The following DPYD variants were observed in gnomAD, a reference collection of about 807,000 sequenced individuals.
DPYD encodes the protein dihydropyrimidine dehydrogenase [NADP(+)].
A neutral mutation model predicts 116.2 loss-of-function variants in DPYD; 109 were observed. The ratio of observed to expected loss-of-function variants is 0.94; its 90% CI spans 0.80 to 1.10. The LOEUF is 1.10. Among genes scored for constraint, DPYD ranks in the 50% least tolerant of loss-of-function variants. The pLI is 0.00. For synonymous variants in DPYD, 440 were observed against 432.0 expected, an observed-to-expected ratio of 1.02 and a Z score of -0.23; for missense variants, 1,302 against 1,254.5, an observed-to-expected ratio of 1.04 and a Z score of -0.57.
chr1:97,114,511 T>C (rs1213282426), intron 20 of DPYD, among the ~76,000 whole-genome samples: 1 of 152,176 alleles, frequency 6.6e-6, no homozygotes, highest in African/African-American at 2.4e-5. Context: ...TGAATGTCTT[T>C]GCATGAGTTA....
At chr1:97,492,674 G>C (rs1679037622) in intron 13 of DPYD, among the ~76,000 whole-genome samples, 1 of 152,032 alleles carries the variant, frequency 6.6e-6, no homozygotes, top group African/African-American at 2.4e-5. Flanking sequence ...GCAAATATAT[G>C]TTTCAAGTTC....
chr1:97,783,565 TTG>T (rs2101222869), intron 3 of DPYD, among the ~76,000 whole-genome samples: 1 of 151,932 alleles, frequency 6.6e-6, no homozygotes, highest in African/African-American at 2.4e-5. Flanking sequence ...CAGCTAATTA[TTG>T]TGTTTTAGAG....
At chr1:97,811,808 A>C (rs189891282) in intron 3 of DPYD, among the ~76,000 whole-genome samples, 1 of 152,260 alleles carries the variant, frequency 6.6e-6, no homozygotes, top group Non-Finnish European at 1.5e-5. Flanking sequence ...TCTTAGCTAT[A>C]AATAGTTCTT....
intron 21 of DPYD, among the ~76,000 whole-genome samples, chr1:97,083,348 A>G (rs1055030320): frequency 6.6e-6 from 1 of 152,124 alleles, no homozygotes; most frequent in African/African-American, 2.4e-5. Flanking sequence ...TTTGACTCTT[A>G]GTTAAAATCA....
intron 3 of DPYD, among the ~76,000 whole-genome samples, chr1:97,823,671 CTTTT>C (rs1012011646): frequency 1.4e-5 from 2 of 148,054 alleles, no homozygotes; most frequent in African/African-American, 5.0e-5. Context: ...ATGACGGAAG[CTTTT>C]TTTTTTATTA....
intron 20 of DPYD, among the ~76,000 whole-genome samples, chr1:97,108,780 T>C (rs1270416839): frequency 2.6e-5 from 4 of 152,122 alleles, no homozygotes; most frequent in African/African-American, 9.6e-5. Flanking sequence ...CAAAGTTTGA[T>C]GTCTAGTTAC....
intron 3 of DPYD, among the ~76,000 whole-genome samples, chr1:97,816,818 T>C (rs1325106312): frequency 1.3e-5 from 2 of 152,176 alleles, no homozygotes; most frequent in African/African-American, 2.4e-5. Flanking sequence ...CCAGGAAATG[T>C]GACTTATTCA....
intron 19 of DPYD, among the ~76,000 whole-genome samples, chr1:97,194,663 T>A (rs2101827995): frequency 6.6e-6 from 1 of 151,992 alleles, no homozygotes; most frequent in South Asian, 2.1e-4. Flanking sequence ...CACCACCATG[T>A]CCAGCTAATT....
chr1:97,919,075 T>G (rs575705266), intron 1 of DPYD, among the ~76,000 whole-genome samples: 18 of 152,336 alleles, frequency 1.2e-4, no homozygotes, highest in African/African-American at 3.8e-4. Context: ...TTAATGTATT[T>G]TTCCTCACTG....
chr1:97,850,930 A>G (rs1005195267), intron 2 of DPYD, among the ~76,000 whole-genome samples: 4 of 151,974 alleles, frequency 2.6e-5, no homozygotes, highest in Admixed American at 2.6e-4. Context: ...TTCCTTACCA[A>G]TTTGCTACTT....
chr1:97,082,047 T>C (rs1388846234), intron 22 of DPYD, among the ~76,000 whole-genome samples: 1 of 152,112 alleles, frequency 6.6e-6, no homozygotes, highest in African/African-American at 2.4e-5. Flanking sequence ...TTTGTGTGCA[T>C]TTCTCTTTTC....
At chr1:97,704,584 G>C (rs1462391900) in intron 5 of DPYD, among the ~76,000 whole-genome samples, 1 of 151,894 alleles carries the variant, frequency 6.6e-6, no homozygotes, top group Non-Finnish European at 1.5e-5. Flanking sequence ...CTTCAGAGAA[G>C]TGCAACATAA....
chr1:97,277,418 C>T (rs1665011813), intron 18 of DPYD, among the ~76,000 whole-genome samples: 1 of 151,112 alleles, frequency 6.6e-6, no homozygotes, highest in African/African-American at 2.4e-5. Context: ...AACAAATAAA[C>T]AAACAAACAA....
intron 16 of DPYD, among the ~76,000 whole-genome samples, chr1:97,371,239 G>A (rs532884418): frequency 2.8e-4 from 43 of 152,306 alleles, no homozygotes; most frequent in Middle Eastern, 6.8e-3. Context: ...TACTGAACAA[G>A]AAAGTGTCTC....
At position 97,450,247 on chromosome 1, in the gene DPYD, A is replaced by G. The variant is rs774033339; in HGVS notation, c.1741-24T>C. 24 of 1,612,490 alleles carry G rather than the reference A, an allele frequency of 1.5e-5. No homozygotes were observed. In the Admixed American group the frequency reaches 4.0e-4, roughly 27 times the overall value. On this transcript the variant is annotated intron_variant, in intron 13 of 22. Transcript: ENST00000370192. ...TCCTGATGAAAGAGTAAAGATATTG[A>G]GTCTCCTTTTGACAAAGAAAAGCTA...
intron 13 of DPYD, among the ~76,000 whole-genome samples, chr1:97,468,619 A>G (rs1233165268): frequency 6.6e-6 from 1 of 152,216 alleles, no homozygotes; most frequent in African/African-American, 2.4e-5. Context: ...TTGTTATAGC[A>G]GCCCAAATGG....
At chr1:97,087,184 A>G in intron 21 of DPYD, among the ~76,000 whole-genome samples, 1 of 152,204 alleles carries the variant, frequency 6.6e-6, no homozygotes, top group East Asian at 1.9e-4. Context: ...CTTCCCCTAC[A>G]ACATCCACCT....
intron 18 of DPYD, among the ~76,000 whole-genome samples, chr1:97,262,156 T>C (rs1663931329): frequency 6.6e-6 from 1 of 152,004 alleles, no homozygotes; most frequent in Non-Finnish European, 1.5e-5. Context: ...CATCTTTTAA[T>C]GTGTGAGCTC....
At chr1:97,161,671 T>A (rs978051481) in intron 20 of DPYD, among the ~76,000 whole-genome samples, 1 of 149,760 alleles carries the variant, frequency 6.7e-6, no homozygotes, top group Non-Finnish European at 1.5e-5. Context: ...GCTGCACCCA[T>A]TAACTTGTCA....
Sources: gnomAD v4.1 joint callset for allele counts (sites outside exome capture counted in the v4.1 genomes callset) on GRCh38, gnomAD v4.1.1 for gene constraint, MANE v1.5 for transcripts, NCBI Gene and HGNC (gene_info 2026-07-23, HGNC 2026-07-21) for gene names.